PTPRK: variants seen among roughly 807,000 people sequenced by gnomAD.
The protein encoded by PTPRK is receptor-type tyrosine-protein phosphatase kappa.
Under a neutral mutation model 178.0 loss-of-function variants are expected in PTPRK, and 75 were observed. The ratio of observed to expected loss-of-function variants is 0.42; its 90% CI spans 0.35 to 0.51. PTPRK has a LOEUF of 0.51. PTPRK is among the 20% of genes least tolerant of loss of function. PTPRK has a pLI of 0.02. For synonymous variants in PTPRK, 637 were observed against 620.6 expected (o/e 1.03, Z -0.39); for missense variants, 1,441 against 1,797.8 (o/e 0.80, Z 3.59).
At chr6:128,458,444 A>C (rs1307098187) in intron 1 of PTPRK, among the ~76,000 whole-genome samples, 4 of 152,204 alleles carry the variant, frequency 2.6e-5, no homozygotes, top group African/African-American at 9.6e-5. Context: ...TACACTAAAA[A>C]ATTTAAAATA....
chr6:128,172,237 T>C (rs1800370517), intron 7 of PTPRK, among the ~76,000 whole-genome samples: 1 of 152,022 alleles, frequency 6.6e-6, no homozygotes, highest in South Asian at 2.1e-4. Flanking sequence ...GTTTTAATAA[T>C]AGGCAATTGT....
At chr6:128,178,656 C>CATCTATCTATCT (rs71028114) in intron 7 of PTPRK, among the ~76,000 whole-genome samples, 1,905 of 146,090 alleles carry the variant, frequency 0.013, 30 homozygotes, top group East Asian at 0.029. Flanking sequence ...GTAGAGAAGA[C>CATCTATCTATCT]ATCTATCTAT....
intron 7 of PTPRK, among the ~76,000 whole-genome samples, chr6:128,099,047 C>T (rs1308480119): frequency 1.3e-5 from 2 of 151,676 alleles, no homozygotes; most frequent in African/African-American, 2.4e-5. Context: ...TAACTTACCC[C>T]TCCAGCACTG....
intron 2 of PTPRK, among the ~76,000 whole-genome samples, chr6:128,384,995 C>T (rs985282460): frequency 1.3e-5 from 2 of 150,490 alleles, no homozygotes; most frequent in African/African-American, 4.9e-5. Context: ...AAAACAAATA[C>T]AACTTTATTT....
chr6:128,220,485 A>G (rs563154195), intron 5 of PTPRK, among the ~76,000 whole-genome samples: 5 of 152,326 alleles, frequency 3.3e-5, no homozygotes, highest in Admixed American at 2.0e-4. Flanking sequence ...GGTATCTTTC[A>G]TATTACTTGA....
chr6:128,293,997 G>A (rs538420969), intron 3 of PTPRK, among the ~76,000 whole-genome samples: 1 of 151,996 alleles, frequency 6.6e-6, no homozygotes, highest in African/African-American at 2.4e-5. Context: ...GAGCCTTTGT[G>A]CTTATAGCTG....
intron 2 of PTPRK, among the ~76,000 whole-genome samples, chr6:128,396,098 T>G (rs1840264072): frequency 6.6e-6 from 1 of 151,986 alleles, no homozygotes; most frequent in Non-Finnish European, 1.5e-5. Flanking sequence ...TCAGGGATGC[T>G]GCTGATAGAA....
intron 16 of PTPRK, among the ~76,000 whole-genome samples, chr6:127,997,197 C>T (rs1777256763): frequency 6.6e-6 from 1 of 151,322 alleles, no homozygotes; most frequent in Admixed American, 6.6e-5. Context: ...AAATTAAAGA[C>T]AAAAAAATAA....
intron 3 of PTPRK, among the ~76,000 whole-genome samples, chr6:128,287,797 C>T (rs1033980989): frequency 6.6e-6 from 1 of 152,082 alleles, no homozygotes; most frequent in African/African-American, 2.4e-5. Flanking sequence ...GATCTCATTC[C>T]GTCTGTCATC....
chr6:128,107,518 G>A (rs1789923675), intron 7 of PTPRK, among the ~76,000 whole-genome samples: 1 of 152,076 alleles, frequency 6.6e-6, no homozygotes, highest in South Asian at 2.1e-4. Context: ...AAGTGATGGA[G>A]AAATAAATTG....
intron 1 of PTPRK, among the ~76,000 whole-genome samples, chr6:128,509,755 C>T (rs1252520148): frequency 6.6e-6 from 1 of 152,042 alleles, no homozygotes; most frequent in Non-Finnish European, 1.5e-5. Context: ...AGTGACAGAG[C>T]TTAAGACTGG....
At chr6:128,471,436 T>C (rs1209019300) in intron 1 of PTPRK, among the ~76,000 whole-genome samples, 1 of 151,564 alleles carries the variant, frequency 6.6e-6, no homozygotes, top group African/African-American at 2.4e-5. Flanking sequence ...CAGACAATCC[T>C]GTTCCAGAAA....
intron 2 of PTPRK, among the ~76,000 whole-genome samples, chr6:128,345,261 T>C (rs1832278966): frequency 6.6e-6 from 1 of 152,214 alleles, no homozygotes; most frequent in Non-Finnish European, 1.5e-5. Flanking sequence ...TATATATCTT[T>C]TTTTTGGTTT....
intron 2 of PTPRK, among the ~76,000 whole-genome samples, chr6:128,331,801 T>C (rs1310638211): frequency 6.6e-6 from 1 of 152,150 alleles, no homozygotes; most frequent in Admixed American, 6.6e-5. Context: ...TGCAGGAGTC[T>C]ACTTCCAACA....
At chr6:127,997,215 G>GA (rs1170404165) in intron 16 of PTPRK, among the ~76,000 whole-genome samples, 3 of 151,716 alleles carry the variant, frequency 2.0e-5, no homozygotes, top group South Asian at 2.1e-4. Flanking sequence ...TAACTTTAGA[G>GA]AAAAAAAATG....
At chr6:128,340,156 T>C (rs9402035) in intron 2 of PTPRK, among the ~76,000 whole-genome samples, 124,674 of 152,190 alleles carry the variant, frequency 0.82, 53,095 homozygotes, top group East Asian at 0.99. Flanking sequence ...GCATTGGAGT[T>C]CTCCAGTGGC....
chr6:128,108,169 A>G (rs1189817632), intron 7 of PTPRK, among the ~76,000 whole-genome samples: 3 of 151,756 alleles, frequency 2.0e-5, no homozygotes, highest in Non-Finnish European at 1.5e-5. Flanking sequence ...AAGTGCCAAC[A>G]TTGTTTTAGT....
intron 3 of PTPRK, among the ~76,000 whole-genome samples, chr6:128,307,547 A>G (rs1323068465): frequency 6.6e-6 from 1 of 151,992 alleles, no homozygotes; most frequent in Non-Finnish European, 1.5e-5. Flanking sequence ...AAATAAACCC[A>G]AGCCAAGACA....
At chr6:128,320,119 C>G (rs993363423) in intron 3 of PTPRK, among the ~76,000 whole-genome samples, 6 of 152,164 alleles carry the variant, frequency 3.9e-5, no homozygotes, top group Non-Finnish European at 7.4e-5. Context: ...ACTGGCCAGG[C>G]TGGAACTCAC....
Sources: allele counts gnomAD v4.1 joint callset (sites outside exome capture counted in the v4.1 genomes callset), GRCh38; gene constraint gnomAD v4.1.1; transcripts MANE v1.5; gene names NCBI Gene and HGNC (gene_info 2026-07-23, HGNC 2026-07-21).